The following HTR7 variants were observed in gnomAD, a reference collection of about 807,000 sequenced individuals.
The protein encoded by HTR7 is 5-HT-7.
Under a neutral mutation model 34.0 loss-of-function variants are expected in HTR7, and 16 were observed. The observed-to-expected ratio is 0.47, with a 90% CI of 0.32 to 0.71. HTR7 has a LOEUF of 0.71. Among genes scored for constraint, HTR7 ranks in the 30% least tolerant of loss-of-function variants. The pLI, the probability that HTR7 is intolerant of heterozygous loss-of-function variation, is 0.04. For missense variants in HTR7, 504 were observed against 625.5 expected, an observed-to-expected ratio of 0.81 and a Z score of 2.07; for synonymous variants, 265 against 260.2, an observed-to-expected ratio of 1.02 and a Z score of -0.18.
intron 1 of HTR7, among the ~76,000 whole-genome samples, chr10:90,849,732 T>C (rs1168457553): frequency 1.3e-5 from 2 of 152,252 alleles, no homozygotes; most frequent in Non-Finnish European, 2.9e-5. Flanking sequence ...TTCAGGCACA[T>C]AGCCACTTCT....
intron 1 of HTR7, among the ~76,000 whole-genome samples, chr10:90,807,584 T>G (rs1845724176): frequency 6.6e-6 from 1 of 152,160 alleles, no homozygotes; most frequent in African/African-American, 2.4e-5. Flanking sequence ...GACTGTAATT[T>G]TCCTTTACCT....
chr10:90,835,881 C>T (rs1846245142), intron 1 of HTR7, among the ~76,000 whole-genome samples: 1 of 151,882 alleles, frequency 6.6e-6, no homozygotes, highest in Non-Finnish European at 1.5e-5. Flanking sequence ...AATAGGCAGA[C>T]AAGGGTAGAG....
chr10:90,785,003 G>A (rs1845360277), intron 1 of HTR7, among the ~76,000 whole-genome samples: 2 of 152,122 alleles, frequency 1.3e-5, no homozygotes, highest in Admixed American at 6.6e-5. Context: ...TATCAGCTAG[G>A]ATGCCGTGTC....
chr10:90,787,574 T>C (rs1289519785), intron 1 of HTR7, among the ~76,000 whole-genome samples: 1 of 152,138 alleles, frequency 6.6e-6, no homozygotes, highest in Non-Finnish European at 1.5e-5. Flanking sequence ...TGGGTGGGGA[T>C]TTACGTCAGC....
At chr10:90,789,759 C>T (rs2030346540) in intron 1 of HTR7, among the ~76,000 whole-genome samples, 1 of 152,146 alleles carries the variant, frequency 6.6e-6, no homozygotes, top group Non-Finnish European at 1.5e-5. Context: ...GGTGGCTAAA[C>T]ATTTGGATTT....
chr10:90,745,788 T>G (rs1347882026), intron 2 of HTR7, among the ~76,000 whole-genome samples: 4 of 152,196 alleles, frequency 2.6e-5, no homozygotes, highest in Admixed American at 2.6e-4. Context: ...CACGGGCCTA[T>G]CTGTTTACTT....
chr10:90,836,945 AC>A (rs1479776555), intron 1 of HTR7, among the ~76,000 whole-genome samples: 1 of 152,170 alleles, frequency 6.6e-6, no homozygotes, highest in Non-Finnish European at 1.5e-5. Flanking sequence ...ATTCAGAAGA[AC>A]CTGTATCCTA....
intron 1 of HTR7, among the ~76,000 whole-genome samples, chr10:90,773,893 A>G (rs1589444973): frequency 6.6e-6 from 1 of 152,190 alleles, no homozygotes; most frequent in East Asian, 1.9e-4. Context: ...GGTTATTGTG[A>G]ATAACAACAG....
chr10:90,809,249 A>G (rs1323171492), intron 1 of HTR7, among the ~76,000 whole-genome samples: 1 of 152,124 alleles, frequency 6.6e-6, no homozygotes, highest in Non-Finnish European at 1.5e-5. Flanking sequence ...CTGCCTAGCA[A>G]TTTACTCTTA....
intron 1 of HTR7, among the ~76,000 whole-genome samples, chr10:90,751,653 G>A (rs1436958720): frequency 2.0e-5 from 3 of 152,150 alleles, no homozygotes; most frequent in Non-Finnish European, 4.4e-5. Context: ...TTTCAATAGG[G>A]TAGGTGGTTG....
At chr10:90,791,847 C>T (rs1273060681) in intron 1 of HTR7, among the ~76,000 whole-genome samples, 1 of 152,084 alleles carries the variant, frequency 6.6e-6, no homozygotes, top group Non-Finnish European at 1.5e-5. Flanking sequence ...GGTTTTGGCT[C>T]CTCAAGTATG....
At position 90,742,452 on chromosome 10, in the gene HTR7, CTTGT is replaced by C. The variant is rs1844566967; in HGVS notation, c.*26_*29del. 6.4e-7 allele frequency: 1 copy of C among 1,573,558 alleles called. No individual in the cohort carries two copies. Among genetic ancestry groups the C allele is most frequent in the Non-Finnish European group, 8.7e-7 (1 of 1,152,174 alleles). ...CCTTCTGTTTCCACCTCTATTTTGCCTTGTTTATTTCATCTCCATTGTTCTGCTT... is the reference window on the plus strand; with the variant it reads ...CCTTCTGTTTCCACCTCTATTTTGCCTTATTTCATCTCCATTGTTCTGCTT... On this transcript the variant is annotated 3_prime_UTR_variant, in exon 4 of 4. Coordinates refer to ENST00000336152, the MANE Select transcript of HTR7 (RefSeq NM_019859.4).
At position 90,794,588 on chromosome 10, in the gene HTR7, G is replaced by A. The variant is rs113587677; in HGVS notation, c.540-44994C>T. On this transcript the variant is annotated intron_variant, in intron 1 of 3. Coordinates refer to ENST00000336152, the MANE Select transcript of HTR7 (RefSeq NM_019859.4). Reference sequence around the variant, plus strand: ...GGCTCACTACAGCCTCAACCTTCTGGGCTCAAGAATCAAGCAAGTCTCTCA... The same window carrying A: ...GGCTCACTACAGCCTCAACCTTCTGAGCTCAAGAATCAAGCAAGTCTCTCA... 3.7e-3 allele frequency among the ~76,000 whole-genome samples: 570 copies of A among 152,080 alleles called. 2 individuals carry two copies. The highest frequency in any genetic ancestry group is 0.01 in the Middle Eastern group (3 of 294).
chr10:90,848,727 A>G (rs1846450151), intron 1 of HTR7, among the ~76,000 whole-genome samples: 1 of 152,264 alleles, frequency 6.6e-6, no homozygotes, highest in Non-Finnish European at 1.5e-5. Context: ...ATAACAAAAA[A>G]TCATTTAAAT....
chr10:90,806,729 T>G (rs918924318), intron 1 of HTR7, among the ~76,000 whole-genome samples: 7 of 152,110 alleles, frequency 4.6e-5, no homozygotes, highest in Non-Finnish European at 7.4e-5. Flanking sequence ...CATGAGGAAA[T>G]GCAAACTAAT....
chr10:90,789,437 G>A (rs1405667535), intron 1 of HTR7, among the ~76,000 whole-genome samples: 1 of 152,178 alleles, frequency 6.6e-6, no homozygotes, highest in Non-Finnish European at 1.5e-5. Flanking sequence ...AACTGTGTCA[G>A]GAGGGATATG....
At chr10:90,762,772 T>C (rs1323984087) in intron 1 of HTR7, among the ~76,000 whole-genome samples, 1 of 152,226 alleles carries the variant, frequency 6.6e-6, no homozygotes, top group Non-Finnish European at 1.5e-5. Flanking sequence ...TGTCAGATAC[T>C]ACATTTAAAT....
chr10:90,849,279 T>C (rs913690143), intron 1 of HTR7, among the ~76,000 whole-genome samples: 9 of 152,344 alleles, frequency 5.9e-5, no homozygotes, highest in Non-Finnish European at 1.3e-4. Flanking sequence ...ATAATCCCAC[T>C]AGTAATGTAT....
intron 1 of HTR7, among the ~76,000 whole-genome samples, chr10:90,779,614 C>T (rs1589447408): frequency 6.6e-6 from 1 of 152,210 alleles, no homozygotes. Flanking sequence ...CATACTATGG[C>T]TAAGTAATAC....
Sources: allele counts gnomAD v4.1 joint callset (sites outside exome capture counted in the v4.1 genomes callset), GRCh38; gene constraint gnomAD v4.1.1; transcripts MANE v1.5; gene names NCBI Gene and HGNC (gene_info 2026-07-23, HGNC 2026-07-21).